DOCK2: variants seen among roughly 807,000 people sequenced by gnomAD.
DOCK2 encodes dedicator of cytokinesis protein 2.
Under a neutral mutation model 248.9 loss-of-function variants are expected in DOCK2, and 87 were observed. The ratio of observed to expected loss-of-function variants is 0.35; its 90% confidence interval spans 0.29 to 0.42. The LOEUF (loss-of-function observed/expected upper bound fraction) is 0.42, where lower values mean the gene tolerates loss of function less well. DOCK2 is among the 10% of genes least tolerant of loss of function. The pLI is 1.00. For synonymous variants in DOCK2, 805 were observed against 821.6 expected, an observed-to-expected ratio of 0.98 and a Z score of 0.35; for missense variants, 1,747 against 2,300.2, an observed-to-expected ratio of 0.76 and a Z score of 4.92.
intron 46 of DOCK2, among the ~76,000 whole-genome samples, chr5:170,073,354 C>T (rs1757741093): frequency 1.3e-5 from 2 of 152,158 alleles, no homozygotes. Flanking sequence ...ACCACACCAT[C>T]TTAGGTCTTG....
At chr5:169,993,864 G>A (rs1012180203) in intron 29 of DOCK2, among the ~76,000 whole-genome samples, 4 of 151,756 alleles carry the variant, frequency 2.6e-5, no homozygotes, top group Non-Finnish European at 5.9e-5. Context: ...ATCAGTGAGG[G>A]GCTACAGCTA....
At chr5:169,797,773 G>A (rs1313729905) in intron 25 of DOCK2, among the ~76,000 whole-genome samples, 2 of 152,162 alleles carry the variant, frequency 1.3e-5, no homozygotes, top group African/African-American at 2.4e-5. Context: ...TTATTTCAGG[G>A]TGTGAACTAT....
intron 46 of DOCK2, 66 bp from the exon 47 acceptor site, chr5:170,075,880 TG>T: frequency 1.3e-6 from 2 of 1,594,654 alleles, no homozygotes; most frequent in Non-Finnish European, 1.7e-6. Context: ...GCTGCCTTGA[TG>T]GGCGGGGTGC....
intron 27 of DOCK2, among the ~76,000 whole-genome samples, chr5:169,850,125 T>G (rs557709115): frequency 6.6e-6 from 1 of 152,330 alleles, no homozygotes; most frequent in Admixed American, 6.5e-5. Context: ...CTCCACAGAA[T>G]GCACTGTCGG....
At chr5:169,864,487 A>G in intron 27 of DOCK2, 2 of 1,485,112 alleles carry the variant, frequency 1.3e-6, no homozygotes, top group Non-Finnish European at 1.8e-6. Flanking sequence ...GAAGGAAGGA[A>G]AGTGAATTCG....
At chr5:169,938,425 T>C (rs1776087320) in intron 27 of DOCK2, among the ~76,000 whole-genome samples, 1 of 152,238 alleles carries the variant, frequency 6.6e-6, no homozygotes, top group South Asian at 2.1e-4. Context: ...AGGTAGAGCC[T>C]ATTGCTCCTA....
intron 6 of DOCK2, among the ~76,000 whole-genome samples, chr5:169,679,940 G>T (rs758387801): frequency 6.6e-6 from 1 of 152,118 alleles, no homozygotes; most frequent in Non-Finnish European, 1.5e-5. Flanking sequence ...CAGGAGTATG[G>T]TTGGCCTTCT....
At chr5:169,941,501 C>A (rs938180372) in intron 27 of DOCK2, among the ~76,000 whole-genome samples, 1 of 152,114 alleles carries the variant, frequency 6.6e-6, no homozygotes, top group Non-Finnish European at 1.5e-5. Context: ...CCCCATGGAA[C>A]CAGGGCAAGT....
At chr5:169,995,377 A>G (rs1015743367) in intron 29 of DOCK2, among the ~76,000 whole-genome samples, 10 of 152,200 alleles carry the variant, frequency 6.6e-5, no homozygotes, top group African/African-American at 1.2e-4. Flanking sequence ...GAAGGGGTAT[A>G]TATAGGAGGT....
chr5:169,727,168 T>A (rs1396945592), intron 22 of DOCK2, among the ~76,000 whole-genome samples: 1 of 152,188 alleles, frequency 6.6e-6, no homozygotes, highest in African/African-American at 2.4e-5. Flanking sequence ...GAAATAGAAC[T>A]TCCAATGACT....
chr5:169,797,154 G>A (rs1468909293), intron 25 of DOCK2, among the ~76,000 whole-genome samples: 3 of 152,216 alleles, frequency 2.0e-5, no homozygotes, highest in Non-Finnish European at 4.4e-5. Flanking sequence ...TTGCTTGGTT[G>A]ACTGTGTGAC....
intron 27 of DOCK2, among the ~76,000 whole-genome samples, chr5:169,961,345 C>G (rs1380333982): frequency 2.0e-5 from 3 of 152,220 alleles, no homozygotes; most frequent in Non-Finnish European, 4.4e-5. Flanking sequence ...CTACACTGAA[C>G]AGAATTAAAT....
At chr5:169,853,097 T>C (rs1424662392) in intron 27 of DOCK2, among the ~76,000 whole-genome samples, 1 of 152,248 alleles carries the variant, frequency 6.6e-6, no homozygotes, top group Non-Finnish European at 1.5e-5. Flanking sequence ...TCTCATGAGA[T>C]CTGATGGCTT....
intron 43 of DOCK2, chr5:170,057,098 A>G (rs2113858594): frequency 2.8e-6 from 1 of 362,778 alleles, no homozygotes; most frequent in Non-Finnish European, 5.1e-6. Flanking sequence ...AACACCAGTA[A>G]GAAGCCACAG....
intron 27 of DOCK2, among the ~76,000 whole-genome samples, chr5:169,944,070 G>A (rs1411723586): frequency 3.9e-5 from 6 of 152,112 alleles, no homozygotes; most frequent in East Asian, 1.9e-4. Flanking sequence ...TGCCAGGACC[G>A]GGGTAAGCAC....
chr5:169,682,776 C>A (rs1433109557), intron 7 of DOCK2, among the ~76,000 whole-genome samples: 1 of 152,104 alleles, frequency 6.6e-6, no homozygotes, highest in Non-Finnish European at 1.5e-5. Flanking sequence ...AAGAACACTT[C>A]CATCACCCTA....
At chr5:169,943,074 T>A (rs1776304603) in intron 27 of DOCK2, among the ~76,000 whole-genome samples, 1 of 152,212 alleles carries the variant, frequency 6.6e-6, no homozygotes, top group African/African-American at 2.4e-5. Flanking sequence ...TGCAGGTCTT[T>A]GGAACGCTCT....
chr5:169,992,216 A>G (rs1241379893), intron 29 of DOCK2, among the ~76,000 whole-genome samples: 1 of 152,222 alleles, frequency 6.6e-6, no homozygotes, highest in Non-Finnish European at 1.5e-5. Flanking sequence ...TAGAAAAACA[A>G]AAGCAACAGA....
At chr5:169,715,701 G>T (rs183283579) in intron 19 of DOCK2, among the ~76,000 whole-genome samples, 7 of 151,066 alleles carry the variant, frequency 4.6e-5, no homozygotes, top group East Asian at 3.9e-4. Flanking sequence ...TTTTACACAC[G>T]TAAACACCAT....
Sources: gnomAD v4.1 joint callset for allele counts (sites outside exome capture counted in the v4.1 genomes callset) on GRCh38, gnomAD v4.1.1 for gene constraint, MANE v1.5 for transcripts, NCBI Gene and HGNC (gene_info 2026-07-23, HGNC 2026-07-21) for gene names.